The following AKR1B1 variants were observed in gnomAD, a reference collection of about 807,000 sequenced individuals.
AKR1B1 encodes the protein aldo-keto reductase family 1 member B.
AKR1B1 carries 22 observed loss-of-function variants against 40.4 expected under a neutral mutation model. That is an observed-to-expected ratio of 0.54 (90% CI 0.39 to 0.78). The LOEUF (loss-of-function observed/expected upper bound fraction) is 0.78. Among genes scored for constraint, AKR1B1 ranks in the 30% least tolerant of loss-of-function variants. The probability of loss-of-function intolerance (pLI) is 0.00; values close to 1 mark genes in which losing one functional copy is unlikely to be tolerated. For missense variants in AKR1B1, 357 were observed against 396.7 expected (o/e 0.90, Z 0.85); for synonymous variants, 157 against 149.9 (o/e 1.05, Z -0.35).
In AKR1B1 at chr7:134,450,817, A is replaced by C; in HGVS notation, c.320T>G (p.Leu107Arg). 6.2e-7 allele frequency: 1 copy of C among 1,614,184 alleles called. No individual in the cohort carries two copies. The highest frequency in any genetic ancestry group is 8.5e-7 in the Non-Finnish European group (1 of 1,180,030). Residue 107 changes from leucine to arginine, a missense_variant, in exon 3 of 10, where the codon CTC becomes CGC. Leu to Arg is a moderately radical substitution (Grantham distance 102). Coordinates refer to ENST00000285930, the MANE Select transcript of AKR1B1 (RefSeq NM_001628.4). ...GCCAGTCGGCCAGTGAATAAGGTAG[A>C]GGTCCAGGTAGTCCAGCTTCAGGTC... is the stretch of plus-strand genomic sequence containing the variant. The part of the protein sequence containing the change: ...LSDLKLDYLD[L>R]YLIHWPTGFK...
intron 6 of AKR1B1, 67 bp downstream of exon 6, chr7:134,448,320 T>A (rs1244944119): frequency 7.2e-7 from 1 of 1,382,444 alleles, no homozygotes; most frequent in Non-Finnish European, 1.0e-6. Flanking sequence ...TGAGGCTGAA[T>A]TGTTCTTTTT....
intron 1 of AKR1B1, among the ~76,000 whole-genome samples, chr7:134,452,455 T>C (rs2670227): frequency 0.019 from 2,946 of 152,248 alleles, 69 homozygotes; most frequent in South Asian, 0.11. Context: ...GATCACCAAA[T>C]GGTTAGTGGC....
intron 6 of AKR1B1, 48 bp downstream of exon 6, chr7:134,448,339 C>G: frequency 6.7e-7 from 1 of 1,501,100 alleles, no homozygotes; most frequent in Non-Finnish European, 9.3e-7. Flanking sequence ...TTAGTCTTTT[C>G]TAATCTTCAC....
At position 134,458,511 on chromosome 7, in the gene AKR1B1, T is replaced by C. The variant is rs1044374369; in HGVS notation, c.66+486A>G. On this transcript the variant is annotated intron_variant, in intron 1 of 9. Coordinates refer to ENST00000285930, the MANE Select transcript of AKR1B1 (RefSeq NM_001628.4). ...AAGAATCGAAACGATTGAGACCAAC[T>C]ATTTACAAGTGAGGCAACCGGGCTA... Among the ~76,000 whole-genome samples the C allele has an allele frequency of 2.0e-5, 3 of 152,152 alleles. No homozygotes were observed. In the East Asian group the frequency reaches 5.8e-4, roughly 29 times the overall value.
chr7:134,458,613 G>A (rs2117470128), intron 1 of AKR1B1, among the ~76,000 whole-genome samples: 1 of 152,270 alleles, frequency 6.6e-6, no homozygotes, highest in Admixed American at 6.5e-5. Context: ...GTCTGCGCCC[G>A]AGGTCCACCG....
chr7:134,445,177 T>A, intron 9 of AKR1B1, 61 bp downstream of exon 9: 1 of 1,440,098 alleles, frequency 6.9e-7, no homozygotes, highest in South Asian at 1.2e-5. Context: ...GGGATCACTC[T>A]CTTGCTGTGC....
Position 134,447,253 on chromosome 7 carries a change from C to T in AKR1B1, c.825+45G>A, listed in dbSNP as rs1048107264. 1.6e-5 allele frequency: 24 copies of T among 1,516,430 alleles called. No individual in the cohort carries two copies. The African/African-American group carries it at 3.0e-4, about 19-fold the overall frequency. The allele number at this position is 1,516,430 out of a possible 1,614,324, so 93.9% of individuals were successfully genotyped here. On this transcript the variant is annotated intron_variant, in intron 8 of 9. Transcript: ENST00000285930. Reference sequence around the variant, plus strand: ...ACAGGATGAGAGGCCTCCCCCATCCCCCACTCCATGGAGGAGGGCCAGGCC... The same window carrying T: ...ACAGGATGAGAGGCCTCCCCCATCCTCCACTCCATGGAGGAGGGCCAGGCC...
In AKR1B1 at chr7:134,447,292, TCTTAC is replaced by T; in HGVS notation, c.825+1_825+5del. ...GAGGGCCAGGCCTGACCAGCCAAGA[TCTTAC>T]CTTAAAGTTCTCAGCAATGCGTTCT... On this transcript the variant is annotated splice_donor_variant and splice_donor_5th_base_variant and intron_variant, in intron 8 of 9. Coordinates refer to ENST00000285930, the MANE Select transcript of AKR1B1 (RefSeq NM_001628.4). LOFTEE classifies it high-confidence loss of function. 2.5e-6 allele frequency: 4 copies of T among 1,613,512 alleles called. No homozygotes were observed. The highest frequency in any genetic ancestry group is 3.4e-6 in the Non-Finnish European group (4 of 1,179,538).
chr7:134,458,942 G>T, intron 1 of AKR1B1, 55 bp downstream of exon 1: 3 of 1,557,794 alleles, frequency 1.9e-6, no homozygotes, highest in Non-Finnish European at 2.6e-6. Flanking sequence ...CGCCAATACA[G>T]GCCGCGCGGA....
rs1232540536 is a variant in AKR1B1 at position 134,448,041 on chromosome 7, G to A, written c.680C>T (p.Ser227Phe). ...CTTGATCCTGGGATCCTCCAGGAGA[G>A]AAGGGTCCTCGGGCTTGGCCCTGAG... ...DRPWAKPEDP[S>F]LLEDPRIKAI... Residue 227 changes from serine to phenylalanine, a missense_variant, in exon 7 of 10, where the codon TCT becomes TTT. Coordinates refer to ENST00000285930, the MANE Select transcript of AKR1B1 (RefSeq NM_001628.4). 6.2e-7 allele frequency: 1 copy of A among 1,613,158 alleles called. No homozygotes were observed. Among genetic ancestry groups the A allele is most frequent in the Non-Finnish European group, 8.5e-7 (1 of 1,179,826 alleles).
At chr7:134,452,422 G>A (rs577553838) in intron 1 of AKR1B1, among the ~76,000 whole-genome samples, 7 of 152,336 alleles carry the variant, frequency 4.6e-5, no homozygotes, top group South Asian at 4.1e-4. Context: ...AAAGGGAAAC[G>A]AGGGGGAATG....
intron 8 of AKR1B1, among the ~76,000 whole-genome samples, chr7:134,446,076 T>C (rs17167854): frequency 6.6e-6 from 1 of 152,058 alleles, no homozygotes; most frequent in African/African-American, 2.4e-5. Context: ...CACAGAAAAA[T>C]GTGCAAAAGC....
At chr7:134,453,527 C>T (rs1360267913) in intron 1 of AKR1B1, among the ~76,000 whole-genome samples, 1 of 152,046 alleles carries the variant, frequency 6.6e-6, no homozygotes, top group African/African-American at 2.4e-5. Context: ...ATCCCCACCC[C>T]AAACACACTT....
At chr7:134,444,868 A>C in intron 9 of AKR1B1, 1 of 364,364 alleles carries the variant, frequency 2.7e-6, no homozygotes, top group South Asian at 2.5e-5. Flanking sequence ...CCCTTTCATT[A>C]GGGTCATTAA....
intron 2 of AKR1B1, chr7:134,451,317 G>C: frequency 1.8e-6 from 1 of 561,242 alleles, no homozygotes; most frequent in Non-Finnish European, 3.2e-6. Flanking sequence ...CCTTGAAAGC[G>C]ACTCCCTGGA....
intron 1 of AKR1B1, among the ~76,000 whole-genome samples, chr7:134,456,320 C>T (rs1806471243): frequency 6.6e-6 from 1 of 152,084 alleles, no homozygotes; most frequent in South Asian, 2.1e-4. Context: ...CTGCCTCAGC[C>T]TCCCAAGTAG....
At chr7:134,448,347 C>T (rs1335409801) in intron 6 of AKR1B1, 40 bp downstream of exon 6, 1 of 1,518,866 alleles carries the variant, frequency 6.6e-7, no homozygotes, top group Non-Finnish European at 9.1e-7. Flanking sequence ...TTCTAATCTT[C>T]ACCAAGTGAC....
chr7:134,447,234 T>G, intron 8 of AKR1B1, 64 bp downstream of exon 8: 1 of 1,383,072 alleles, frequency 7.2e-7, no homozygotes, highest in Non-Finnish European at 1.0e-6. Context: ...AGAGACAGGA[T>G]GAGAGGCCTC....
intron 2 of AKR1B1, 189 bp downstream of exon 2, chr7:134,451,397 A>G (rs1585714593): frequency 2.8e-6 from 2 of 706,456 alleles, no homozygotes; most frequent in East Asian, 2.7e-5. Context: ...AGATGGAATG[A>G]CCATTCAACA....
Sources: allele counts gnomAD v4.1 joint callset (sites outside exome capture counted in the v4.1 genomes callset), GRCh38; gene constraint gnomAD v4.1.1; transcripts MANE v1.5; gene names NCBI Gene and HGNC (gene_info 2026-07-23, HGNC 2026-07-21).